Variants in NDRG2 observed in about 807,000 individuals in gnomAD.
NDRG2 encodes the protein NDRG family member 2, also known as protein NDRG2.
In NDRG2, 34 loss-of-function variants were observed where a neutral mutation model predicts 58.2. The ratio of observed to expected loss-of-function variants is 0.58; its 90% confidence interval spans 0.44 to 0.78. The LOEUF is 0.78. Ranked by LOEUF, NDRG2 falls within the 30% of genes least tolerant of loss-of-function variation. The pLI is 0.00. For missense variants in NDRG2, 434 were observed against 471.2 expected, an observed-to-expected ratio of 0.92 and a Z score of 0.73; for synonymous variants, 187 against 175.9, an observed-to-expected ratio of 1.06 and a Z score of -0.50.
intron 1 of NDRG2, chr14:21,031,415 A>G (rs1236339024): frequency 8.2e-6 from 4 of 489,566 alleles, no homozygotes; most frequent in Non-Finnish European, 1.1e-5. Context: ...CCAGGCAATT[A>G]GGGCTTGGTA....
intron 2 of NDRG2, 75 bp from the exon 3 acceptor site, chr14:21,022,980 A>C: frequency 6.5e-7 from 1 of 1,540,086 alleles, no homozygotes; most frequent in South Asian, 1.1e-5. Context: ...AAACAGACAA[A>C]GAGAGGCAAG....
intron 1 of NDRG2, among the ~76,000 whole-genome samples, chr14:21,056,499 C>A (rs544320839): frequency 3.3e-5 from 5 of 152,164 alleles, no homozygotes; most frequent in South Asian, 2.1e-4. Context: ...CAGCCTGAGG[C>A]CTGTTGTCGT....
chr14:21,028,160 C>G (rs986050267), upstream of NDRG2, among the ~76,000 whole-genome samples: 1 of 152,164 alleles, frequency 6.6e-6, no homozygotes, highest in Non-Finnish European at 1.5e-5. Context: ...CCCAAGTAGC[C>G]TGTCAAGTGT....
chr14:21,040,382 G>C (rs1457239132), intron 1 of NDRG2, among the ~76,000 whole-genome samples: 5 of 152,024 alleles, frequency 3.3e-5, no homozygotes, highest in Admixed American at 1.3e-4. Context: ...TGTCCTCCTG[G>C]CCTCAAAACA....
At chr14:21,035,266 A>C (rs573552664) in intron 1 of NDRG2, among the ~76,000 whole-genome samples, 1 of 152,266 alleles carries the variant, frequency 6.6e-6, no homozygotes, top group East Asian at 1.9e-4. Flanking sequence ...AAATCTCTGC[A>C]TGCTGACTCT....
At chr14:21,055,893 T>C (rs1415739970) in intron 1 of NDRG2, among the ~76,000 whole-genome samples, 1 of 152,112 alleles carries the variant, frequency 6.6e-6, no homozygotes, top group Non-Finnish European at 1.5e-5. Context: ...GGGAAAGATT[T>C]GTTCCCTGCT....
In NDRG2 at chr14:21,022,511, G is replaced by A. The variant is rs1252875569; in HGVS notation, c.118-14C>T. 4.4e-6 allele frequency: 7 copies of A among 1,594,198 alleles called. No individual in the cohort carries two copies. The Admixed American group carries it at 1.2e-4, about 27-fold the overall frequency. The stretch of plus-strand genomic sequence containing the variant: ...CACAGAGTGAGTCTGCAGGAAAACA[G>A]GGCACCAAGAGCTAGGCTCAGAGGA... On this transcript the variant is annotated splice_polypyrimidine_tract_variant and intron_variant, in intron 3 of 15. Coordinates refer to ENST00000556147, the MANE Select transcript of NDRG2 (RefSeq NM_001320329.2).
chr14:21,025,655 C>G (rs575766653), upstream of NDRG2: 24 of 985,328 alleles, frequency 2.4e-5, no homozygotes, highest in Non-Finnish European at 2.9e-5. The surrounding 1 kb of genome is among the most constrained non-coding windows in gnomAD (Gnocchi z 5.1). Flanking sequence ...TTCCGACTCC[C>G]TCGTGCCCAG....
intron 1 of NDRG2, among the ~76,000 whole-genome samples, chr14:21,040,434 A>T (rs745333525): frequency 6.6e-6 from 1 of 152,248 alleles, no homozygotes; most frequent in Non-Finnish European, 1.5e-5. Context: ...ATTCTGGACC[A>T]GAACACAAAC....
At chr14:21,030,959 G>T in intron 1 of NDRG2, 1 of 1,563,170 alleles carries the variant, frequency 6.4e-7, no homozygotes, top group Non-Finnish European at 8.7e-7. Context: ...TTGGACCTTG[G>T]AAGGTAATGC....
chr14:21,047,496 C>G (rs1008842198), intron 1 of NDRG2, among the ~76,000 whole-genome samples: 1 of 152,136 alleles, frequency 6.6e-6, no homozygotes, highest in African/African-American at 2.4e-5. Context: ...GACTATTCAG[C>G]CTTCCAAAAG....
upstream of NDRG2, among the ~76,000 whole-genome samples, chr14:21,026,381 G>A (rs1256217342): frequency 1.3e-5 from 2 of 149,620 alleles, no homozygotes; most frequent in East Asian, 4.0e-4. Context: ...CCATTTCGGG[G>A]GCTGGGCGCC....
intron 1 of NDRG2, among the ~76,000 whole-genome samples, chr14:21,053,542 G>A (rs1239196344): frequency 2.0e-5 from 3 of 152,000 alleles, no homozygotes; most frequent in East Asian, 1.9e-4. Flanking sequence ...CAGGAGAATC[G>A]CTTGAACCCA....
At chr14:21,036,133 C>A in intron 1 of NDRG2, 1 of 453,818 alleles carries the variant, frequency 2.2e-6, no homozygotes, top group South Asian at 1.6e-5. Context: ...AGTCACACAG[C>A]CCTGACAATC....
In NDRG2 at chr14:21,070,414, G is replaced by C; in HGVS notation, c.24+414C>G. On this transcript the variant is annotated intron_variant, in intron 1 of 14. Transcript: ENST00000403829. The surrounding 1 kb of genome is among the most constrained non-coding windows in gnomAD (Gnocchi z 4.7). ...GCCGAGCCATGGTGAGTCCAGCGTC[G>C]CAGCCCCCTGGGTCCCCTCGGCCTT... 1 of 1,412,474 alleles carries C rather than the reference G, an allele frequency of 7.1e-7. No homozygotes were observed. The highest frequency in any genetic ancestry group is 1.5e-5 in the South Asian group (1 of 64,772). The allele number at this position is 1,412,474 out of a possible 1,614,324, so 87.5% of individuals were successfully genotyped here.
rs988553861 is a variant in NDRG2 at position 21,070,562 on chromosome 14, C to T, written c.24+266G>A. On this transcript the variant is annotated intron_variant, in intron 1 of 14. Coordinates refer to the NDRG2 transcript ENST00000403829. This position sits in a 1 kb window ranked among gnomAD's most constrained non-coding sequence, Gnocchi z 4.7. ...CCCCTTCTTCGATTTGTCTGTCTGC[C>T]CGACTGTTTAGCTCTGTCCCCACCG... Among the ~76,000 whole-genome samples the T allele has an allele frequency of 6.6e-6, 1 of 152,104 alleles. No homozygotes were observed. The highest frequency in any genetic ancestry group is 1.5e-5 in the Non-Finnish European group (1 of 68,000).
intron 1 of NDRG2, chr14:21,058,215 G>A: frequency 6.2e-7 from 1 of 1,614,132 alleles, no homozygotes. Flanking sequence ...CTGACCATGG[G>A]TGAGCTCACC....
chr14:21,054,694 T>C (rs1410143079), intron 1 of NDRG2, among the ~76,000 whole-genome samples: 1 of 152,242 alleles, frequency 6.6e-6, no homozygotes, highest in African/African-American at 2.4e-5. Context: ...ATCCCGGCCC[T>C]GCCACTTACT....
intron 1 of NDRG2, among the ~76,000 whole-genome samples, chr14:21,051,132 C>T (rs1037304848): frequency 6.6e-6 from 1 of 152,164 alleles, no homozygotes; most frequent in Non-Finnish European, 1.5e-5. Context: ...ATCTGTGTTC[C>T]ACCTGGGGTA....
Sources: allele counts gnomAD v4.1 joint callset (sites outside exome capture counted in the v4.1 genomes callset), GRCh38; gene constraint gnomAD v4.1.1; non-coding constraint Gnocchi (gnomAD v3.1); transcripts MANE v1.5; gene names NCBI Gene and HGNC (gene_info 2026-07-23, HGNC 2026-07-21).